The following RGPD1 variants were observed in gnomAD, a reference collection of about 807,000 sequenced individuals.
The protein encoded by RGPD1 is RANBP2 like and GRIP domain containing 1.
RGPD1 carries 7 observed loss-of-function variants against 40.6 expected under a neutral mutation model. The observed-to-expected ratio is 0.17, with a 90% CI of 0.10 to 0.32. The LOEUF is 0.32. RGPD1 is among the 10% of genes least tolerant of loss of function. RGPD1 has a pLI of 1.00. For missense variants in RGPD1, 50 were observed against 472.5 expected (o/e 0.11, Z 8.29); for synonymous variants, 24 against 167.0 (o/e 0.14, Z 6.60).
At chr2:86,941,836 G>A (rs570417244), upstream of RGPD1, among the ~76,000 whole-genome samples, 12 of 151,036 alleles carry the variant, frequency 7.9e-5, no homozygotes, top group South Asian at 1.9e-3. Flanking sequence ...TCAGCCTCCC[G>A]AGTAGCTGGG....
intron 1 of RGPD1, among the ~76,000 whole-genome samples, chr2:86,916,295 A>G (rs1677794326): frequency 6.6e-6 from 1 of 152,038 alleles, no homozygotes; most frequent in Admixed American, 6.5e-5. Flanking sequence ...TTTAAGGCAG[A>G]GAGCATGTGA....
At chr2:86,925,164 G>A (rs1678388134) in intron 1 of RGPD1, among the ~76,000 whole-genome samples, 1 of 152,190 alleles carries the variant, frequency 6.6e-6, no homozygotes, top group South Asian at 2.1e-4. Context: ...ACATGTTCTA[G>A]ACATGAGTTC....
intron 1 of RGPD1, among the ~76,000 whole-genome samples, chr2:86,926,830 C>T (rs1678542143): frequency 6.6e-6 from 1 of 152,002 alleles, no homozygotes; most frequent in Non-Finnish European, 1.5e-5. Flanking sequence ...TTATTATTTT[C>T]AGTCTTGCAA....
rs564422610 is a variant in RGPD1 at position 86,931,557 on chromosome 2, G to A, written c.72+17636G>A. ...ATGATTTCAGCAGATTATTACTCTT[G>A]GCAAAGAGCAAGCTTTCTCTATTAT... On this transcript the variant is annotated intron_variant, in intron 1 of 22. Transcript: ENST00000398193. Among the ~76,000 whole-genome samples, 8 of 151,950 alleles carry A rather than the reference G, an allele frequency of 5.3e-5. No homozygotes were observed. In the South Asian group the frequency reaches 1.7e-3, roughly 32 times the overall value.
At chr2:86,913,859 A>C in exon 1 of RGPD1, 2 of 1,580,050 alleles carry the variant, frequency 1.3e-6, no homozygotes, top group Non-Finnish European at 1.7e-6. Context: ...GATGAGGCGC[A>C]GCAAGGCCTA....
intron 1 of RGPD1, among the ~76,000 whole-genome samples, chr2:86,914,646 G>T (rs1472103986): frequency 5.0e-5 from 1 of 20,036 alleles, no homozygotes; most frequent in Non-Finnish European, 8.2e-5. Context: ...ACCTGGCCGG[G>T]CGGCGGCGGC....
At chr2:86,931,695 G>A (rs528998431) in intron 1 of RGPD1, among the ~76,000 whole-genome samples, 2 of 151,324 alleles carry the variant, frequency 1.3e-5, no homozygotes, top group Admixed American at 6.6e-5. Flanking sequence ...TTCTTGAATG[G>A]CAAATAAATA....
At chr2:86,942,696 G>A (rs1267285809) in intron 1 of RGPD1, among the ~76,000 whole-genome samples, 1 of 147,282 alleles carries the variant, frequency 6.8e-6, no homozygotes, top group African/African-American at 2.5e-5. Flanking sequence ...GGCGGCGGTG[G>A]CCTCGACGTG....
chr2:86,914,610 GGGC>G (rs1197363366), intron 1 of RGPD1, among the ~76,000 whole-genome samples: 2 of 38,552 alleles, frequency 5.2e-5, no homozygotes, highest in Non-Finnish European at 8.8e-5. Flanking sequence ...CGACCTGGCC[GGGC>G]GGCGGCGGCG....
At chr2:86,978,149 C>T (rs1284191197) in intron 17 of RGPD1, among the ~76,000 whole-genome samples, 3 of 117,184 alleles carry the variant, frequency 2.6e-5, no homozygotes, top group African/African-American at 7.6e-5. Flanking sequence ...GTGGCTTCGA[C>T]CTCCTAGCTC....
intron 1 of RGPD1, among the ~76,000 whole-genome samples, chr2:86,931,268 A>G (rs1368789940): frequency 1.3e-5 from 2 of 151,812 alleles, no homozygotes; most frequent in Non-Finnish European, 1.5e-5. Context: ...ATTACTGACC[A>G]AACTACTCAC....
At chr2:87,009,041 T>C (rs1184671425) in intron 22 of RGPD1, among the ~76,000 whole-genome samples, 1 of 149,676 alleles carries the variant, frequency 6.7e-6, no homozygotes, top group East Asian at 2.0e-4. Flanking sequence ...CATGGTGGCT[T>C]ACGCCTATAA....
At chr2:86,924,456 G>T (rs1474723086) in intron 1 of RGPD1, among the ~76,000 whole-genome samples, 1 of 150,448 alleles carries the variant, frequency 6.6e-6, no homozygotes, top group Non-Finnish European at 1.5e-5. Flanking sequence ...TGCCCGGCCC[G>T]TGGACATACA....
At chr2:86,931,664 T>C (rs1406942495) in intron 1 of RGPD1, among the ~76,000 whole-genome samples, 1 of 151,936 alleles carries the variant, frequency 6.6e-6, no homozygotes, top group African/African-American at 2.4e-5. Flanking sequence ...TAACTGTTAA[T>C]ACATTTTCAT....
At chr2:86,934,688 G>A in intron 1 of RGPD1, 1 of 197,350 alleles carries the variant, frequency 5.1e-6, no homozygotes, top group Non-Finnish European at 1.0e-5. Context: ...GGCAGTTAGG[G>A]TAAGCAGGTT....
intron 1 of RGPD1, among the ~76,000 whole-genome samples, chr2:86,924,617 A>G (rs1228962818): frequency 1.3e-5 from 2 of 150,808 alleles, no homozygotes; most frequent in South Asian, 2.1e-4. Context: ...GGTATGCTCC[A>G]TCATGCCTGG....
upstream of RGPD1, among the ~76,000 whole-genome samples, chr2:86,938,858 G>A (rs1309096212): frequency 7.1e-5 from 9 of 126,986 alleles, no homozygotes; most frequent in East Asian, 2.6e-4. Context: ...CAGCCTGGGC[G>A]GCAGTGTGAG....
intron 1 of RGPD1, among the ~76,000 whole-genome samples, chr2:86,926,994 A>G (rs1678556800): frequency 6.6e-6 from 1 of 152,202 alleles, no homozygotes; most frequent in South Asian, 2.1e-4. Context: ...AAACCTTGGT[A>G]CTGTTCCTGA....
chr2:86,943,906 C>G (rs1335377538), intron 1 of RGPD1, among the ~76,000 whole-genome samples: 2 of 151,630 alleles, frequency 1.3e-5, no homozygotes, highest in Non-Finnish European at 1.5e-5. Flanking sequence ...CCCAGCTACC[C>G]GGGAGGCTGA....
Sources: allele counts gnomAD v4.1 joint callset (sites outside exome capture counted in the v4.1 genomes callset), GRCh38; gene constraint gnomAD v4.1.1; transcripts MANE v1.5; gene names NCBI Gene and HGNC (gene_info 2026-07-23, HGNC 2026-07-21).